Variants in TRRAP observed in about 807,000 individuals in gnomAD.
The protein encoded by TRRAP is transformation/transcription domain associated protein, also known as transformation/transcription domain-associated protein.
TRRAP carries 41 observed loss-of-function variants against 438.8 expected under a neutral mutation model. The observed-to-expected ratio is 0.09, with a 90% confidence interval of 0.07 to 0.12. The LOEUF (loss-of-function observed/expected upper bound fraction) is 0.12, where lower values mean the gene tolerates loss of function less well. Among genes scored for constraint, TRRAP ranks in the 10% least tolerant of loss-of-function variants. TRRAP has a pLI of 1.00. For missense variants in TRRAP, 3,122 were observed against 5,055.1 expected, an observed-to-expected ratio of 0.62 and a Z score of 11.60; for synonymous variants, 1,994 against 1,962.9, an observed-to-expected ratio of 1.02 and a Z score of -0.42.
Position 98,948,429 on chromosome 7 carries a change from C to T in TRRAP, c.4668+89C>T. 6.2e-7 allele frequency: 1 copy of T among 1,609,926 alleles called. No individual in the cohort carries two copies. The highest frequency in any genetic ancestry group is 8.5e-7 in the Non-Finnish European group (1 of 1,177,902). Reference sequence around the variant, plus strand: ...TTGATCGTATTTTCAATGGACGGAACAGCATAAAGACGTTCGATGTCAACA... The same window carrying T: ...TTGATCGTATTTTCAATGGACGGAATAGCATAAAGACGTTCGATGTCAACA... On this transcript the variant is annotated intron_variant, in intron 34 of 72. Transcript: ENST00000456197. The surrounding 1 kb of genome is among the most constrained non-coding windows in gnomAD (Gnocchi z 4.9).
At chr7:98,985,069 A>T in intron 62 of TRRAP, 25 bp downstream of exon 62, 1 of 1,497,902 alleles carries the variant, frequency 6.7e-7, no homozygotes, top group Non-Finnish European at 9.2e-7. Context: ...TTGAAAGGAT[A>T]AGAGAAAAAA....
In TRRAP at chr7:98,959,428, C is replaced by G; in HGVS notation, c.6427C>G (p.Pro2143Ala). 1 of 1,613,992 alleles carries G rather than the reference C, an allele frequency of 6.2e-7. No individual in the cohort carries two copies. Among genetic ancestry groups the G allele is most frequent in the Non-Finnish European group, 8.5e-7 (1 of 1,180,008 alleles). ...GAACCTTCTGAAGACTGCGTTGCGG[C>G]CAGACATGTGGCCCAAGTCCGAACT... Reference protein sequence around the residue: ...CVNLLKTALRPDMWPKSELKL... With the variant: ...CVNLLKTALRADMWPKSELKL... Residue 2143 changes from proline (P) to alanine (A), a missense_variant, in exon 45 of 73, where the codon CCA becomes GCA. Coordinates refer to ENST00000456197, the MANE Select transcript of TRRAP (RefSeq NM_001375524.1).
chr7:98,928,978 C>G (rs548575059), intron 23 of TRRAP, among the ~76,000 whole-genome samples: 1 of 151,082 alleles, frequency 6.6e-6, no homozygotes, highest in Admixed American at 6.6e-5. Context: ...TGCTCTGTCG[C>G]CCAGGCTGGA....
chr7:98,939,052 C>T (rs73395122), intron 30 of TRRAP, among the ~76,000 whole-genome samples: 1,852 of 152,262 alleles, frequency 0.012, 39 homozygotes, highest in African/African-American at 0.043. Flanking sequence ...AGGATTTCAT[C>T]TGTTAGCTTT....
intron 3 of TRRAP, among the ~76,000 whole-genome samples, chr7:98,889,558 A>T (rs1358712988): frequency 2.2e-4 from 16 of 72,222 alleles, no homozygotes; most frequent in Non-Finnish European, 2.0e-4. Flanking sequence ...TTTTTTTTAA[A>T]AAAAATAGAG....
chr7:98,882,290 G>A (rs1157538002), intron 3 of TRRAP, among the ~76,000 whole-genome samples: 3 of 151,446 alleles, frequency 2.0e-5, no homozygotes, highest in Admixed American at 6.6e-5. Flanking sequence ...AAATATGGTA[G>A]CTCTTTTAGG....
chr7:98,945,750 A>G lies in TRRAP; in HGVS notation c.4477A>G (p.Ser1493Gly), dbSNP rs781896500. ...TGATTTTCCTCCCCATCCTCAGGAA[A>G]GCATTTCCGAGTGCGGGAGATGTCC... ...KGGQRSDGNE[S>G]ISECGRCPLS... Residue 1493 changes from serine (S) to glycine (G), a missense_variant, in exon 32 of 73, where the codon AGC becomes GGC. Physicochemically the swap from Ser to Gly is moderately conservative, Grantham distance 56 (BLOSUM62 0). Transcript: ENST00000456197. 1.9e-6 allele frequency: 3 copies of G among 1,598,056 alleles called. No homozygotes were observed. The African/African-American group carries it at 4.0e-5, about 21-fold the overall frequency.
chr7:98,957,281 C>G (rs1318265111), intron 43 of TRRAP, among the ~76,000 whole-genome samples: 6 of 152,190 alleles, frequency 3.9e-5, no homozygotes, highest in African/African-American at 1.4e-4. Context: ...TTTCGCTGTT[C>G]CTCTCTCCGC....
intron 2 of TRRAP, 42 bp downstream of exon 2, chr7:98,881,292 G>C: frequency 6.5e-7 from 1 of 1,545,868 alleles, no homozygotes; most frequent in South Asian, 1.2e-5. Flanking sequence ...CATAAATAAG[G>C]CCGGATGCGG....
intron 67 of TRRAP, chr7:98,999,707 G>A: frequency 1.3e-6 from 1 of 786,828 alleles, no homozygotes. Flanking sequence ...TCAGAGTTCA[G>A]CACAAGTGGA....
At chr7:98,938,895 T>G (rs192572015) in intron 30 of TRRAP, among the ~76,000 whole-genome samples, 4 of 152,348 alleles carry the variant, frequency 2.6e-5, no homozygotes, top group Admixed American at 2.0e-4. Flanking sequence ...CAATATACAC[T>G]CCTACAAAAT....
At chr7:98,965,088 C>T (rs985541701) in intron 48 of TRRAP, among the ~76,000 whole-genome samples, 2 of 152,248 alleles carry the variant, frequency 1.3e-5, no homozygotes, top group Non-Finnish European at 2.9e-5. Flanking sequence ...TGAATATCCA[C>T]TGCACTCAGT....
In TRRAP at chr7:98,981,826, C is replaced by T. The variant is rs1173094078; in HGVS notation, c.8692C>T (p.Leu2898=). ...AWKVNMYRGY[L]AICHPEEQQL... ...GAAGGTGAACATGTACCGCGGATAC[C>T]TGGCCATCTGCCACCCCGAGGAGCA... The change falls in exon 59 of 73, where the codon CTG becomes TTG. Residue 2898 remains leucine, a synonymous_variant. Coordinates refer to ENST00000456197, the MANE Select transcript of TRRAP (RefSeq NM_001375524.1). 4 of 1,604,778 alleles carry T rather than the reference C, an allele frequency of 2.5e-6. No individual in the cohort carries two copies. The highest frequency in any genetic ancestry group is 3.4e-6 in the Non-Finnish European group (4 of 1,176,326).
chr7:98,919,820 C>T (rs1789699973), intron 20 of TRRAP, among the ~76,000 whole-genome samples: 1 of 152,148 alleles, frequency 6.6e-6, no homozygotes, highest in Non-Finnish European at 1.5e-5. Context: ...AAAAGAGACA[C>T]ACACAGGCTC....
chr7:98,895,667 T>C, intron 6 of TRRAP, 97 bp from the exon 7 acceptor site: 5 of 1,035,978 alleles, frequency 4.8e-6, no homozygotes, highest in Non-Finnish European at 5.5e-6. Flanking sequence ...CTCTTATGAG[T>C]TCTTACGTAG....
At position 98,908,605 on chromosome 7, in the gene TRRAP, G is replaced by C. The variant is rs1358679561; in HGVS notation, c.1116-123G>C. 2 of 749,976 alleles carry C rather than the reference G, an allele frequency of 2.7e-6. No individual in the cohort carries two copies. Among genetic ancestry groups the C allele is most frequent in the Non-Finnish European group, 4.4e-6 (2 of 453,370 alleles). 46.5% of individuals were successfully genotyped at this position (749,976 alleles called of 1,614,324 possible). On this transcript the variant is annotated intron_variant, in intron 13 of 72. Coordinates refer to ENST00000456197, the MANE Select transcript of TRRAP (RefSeq NM_001375524.1). The surrounding 1 kb of genome is among the most constrained non-coding windows in gnomAD (Gnocchi z 4.1). ...TGGGAGAGAGTAATGTGGTGAAAAT[G>C]GGCCATGTAAGTGTGCCGACCCAGG... is the stretch of plus-strand genomic sequence containing the variant.
chr7:98,912,843 A>G (rs1789337365), intron 18 of TRRAP, among the ~76,000 whole-genome samples: 2 of 152,154 alleles, frequency 1.3e-5, no homozygotes, highest in Admixed American at 1.3e-4. Context: ...GGGAAAAAAA[A>G]ACATCTTTAT....
rs2116638889 is a variant in TRRAP, at chr7:98,956,112, A to G, written c.5938-34A>G. The stretch of plus-strand genomic sequence containing the variant: ...GCATGCACTGTGGGACCAAGCTCCC[A>G]TGTTCCGGCGTGATGCTGGCCCTGC... On this transcript the variant is annotated intron_variant, in intron 41 of 72. Transcript: ENST00000456197. The surrounding 1 kb of genome is among the most constrained non-coding windows in gnomAD (Gnocchi z 4.5). 5 of 1,474,238 alleles carry G rather than the reference A, an allele frequency of 3.4e-6. No individual in the cohort carries two copies. The highest frequency in any genetic ancestry group is 4.5e-6 in the Non-Finnish European group (5 of 1,114,762). The allele number at this position is 1,474,238 out of a possible 1,614,324, so 91.3% of individuals were successfully genotyped here.
chr7:98,984,362 C>T lies in TRRAP; in HGVS notation c.9288+4C>T, dbSNP rs373885246. On this transcript the variant is annotated splice_donor_region_variant and intron_variant, in intron 61 of 72. Transcript: ENST00000456197. ...GGGCAAAAACGAGTGCATGCAGGTG[C>T]GGACAGGACACTTGAAGAATGAGGC... is the stretch of plus-strand genomic sequence containing the variant. 1.2e-5 allele frequency: 19 copies of T among 1,551,310 alleles called. No individual in the cohort carries two copies. The highest frequency in any genetic ancestry group is 6.2e-5 in the South Asian group (5 of 80,044).
Sources: gnomAD v4.1 joint callset for allele counts (sites outside exome capture counted in the v4.1 genomes callset) on GRCh38, gnomAD v4.1.1 for gene constraint, Gnocchi (gnomAD v3.1) non-coding constraint, MANE v1.5 for transcripts, NCBI Gene and HGNC (gene_info 2026-07-23, HGNC 2026-07-21) for gene names.